ARL6: variants seen among roughly 807,000 people sequenced by gnomAD.
The protein encoded by ARL6 is ARF like GTPase 6.
A neutral mutation model predicts 27.1 loss-of-function variants in ARL6; 18 were observed. The observed-to-expected ratio is 0.66, with a 90% CI of 0.46 to 0.98. The LOEUF is 0.98. Ranked by LOEUF, ARL6 falls within the 50% of genes least tolerant of loss-of-function variation. The probability of loss-of-function intolerance (pLI) is 0.00; values close to 1 mark genes in which losing one functional copy is unlikely to be tolerated. For missense variants in ARL6, 187 were observed against 214.9 expected (o/e 0.87, Z 0.81); for synonymous variants, 65 against 72.3 (o/e 0.90, Z 0.51).
intron 3 of ARL6, 70 bp from the exon 4 acceptor site, chr3:97,780,545 A>T: frequency 7.7e-7 from 1 of 1,298,234 alleles, no homozygotes; most frequent in South Asian, 1.2e-5. Flanking sequence ...TTGATTGTAA[A>T]TAATTTAAAA....
chr3:97,777,142 A>AT (rs1474260697), intron 2 of ARL6, among the ~76,000 whole-genome samples: 1 of 152,148 alleles, frequency 6.6e-6, no homozygotes, highest in Non-Finnish European at 1.5e-5. Flanking sequence ...TTGATGGATG[A>AT]TTTTTTAATA....
chr3:97,793,149 C>T (rs1487031851), intron 7 of ARL6, among the ~76,000 whole-genome samples: 3 of 152,184 alleles, frequency 2.0e-5, no homozygotes, highest in African/African-American at 4.8e-5. Context: ...GTTAACTGGA[C>T]AGACTATTGT....
chr3:97,787,224 A>G (rs1327601857), intron 5 of ARL6, among the ~76,000 whole-genome samples: 3 of 152,218 alleles, frequency 2.0e-5, no homozygotes, highest in Admixed American at 2.0e-4. Context: ...CGGTTAAAAT[A>G]ATGAAGAAGC....
At chr3:97,780,300 C>A in intron 3 of ARL6, 80 bp downstream of exon 3, 2 of 1,105,138 alleles carry the variant, frequency 1.8e-6, no homozygotes, top group East Asian at 2.4e-5. Context: ...TCTTCCTACC[C>A]TTAGATAAAG....
chr3:97,780,076 AACTGAAAATCTGGAT>A (rs2037114538), intron 2 of ARL6, 68 bp from the exon 3 acceptor site: 1 of 1,124,002 alleles, frequency 8.9e-7, no homozygotes, highest in Non-Finnish European at 1.4e-6. Context: ...AGATTTTAGA[AACTGAAAATCTGGAT>A]ACTTTAACTT....
intron 2 of ARL6, among the ~76,000 whole-genome samples, chr3:97,772,748 A>C (rs190446259): frequency 5.0e-4 from 76 of 151,104 alleles, no homozygotes; most frequent in African/African-American, 1.7e-3. Context: ...CAGCCTCCCA[A>C]GTAGCTGGGA....
chr3:97,774,727 T>C (rs548772555), intron 2 of ARL6, among the ~76,000 whole-genome samples: 20 of 152,256 alleles, frequency 1.3e-4, no homozygotes, highest in African/African-American at 4.6e-4. Flanking sequence ...CAGCAACTGA[T>C]ATAAGAGCTT....
At position 97,800,352 on chromosome 3, in the gene ARL6, G is replaced by A. The variant is rs2038200121; in HGVS notation, c.*2303G>A. On this transcript the variant is annotated 3_prime_UTR_variant, in exon 8 of 8. Coordinates refer to ENST00000463745, the MANE Select transcript of ARL6 (RefSeq NM_001278293.3). ...ATTTAGCATATTATACAATTAAAAT[G>A]TATTTTATTAAACCTGAAGCAAGTT... The A allele has an allele frequency of 6.6e-6, 1 of 152,124 alleles. No individual in the cohort carries two copies. The highest frequency in any genetic ancestry group is 1.9e-4 in the East Asian group (1 of 5,202). 9.4% of individuals were successfully genotyped at this position (152,124 alleles called of 1,614,324 possible).
chr3:97,799,166 A>G lies in ARL6; in HGVS notation c.*1117A>G, dbSNP rs2038138832. 6.6e-6 allele frequency: 1 copy of G among 152,046 alleles called. No individual in the cohort carries two copies. The highest frequency in any genetic ancestry group is 1.5e-5 in the Non-Finnish European group (1 of 67,908). The allele number at this position is 152,046 out of a possible 1,614,324, so 9.4% of individuals were successfully genotyped here. A position where few individuals can be genotyped will look rare whatever the true frequency, so the allele number is the denominator to read the frequency against. ...ACTGCATATAAAGAAAAACTGTAAT[A>G]TACAATATATACCATCTCAAGTATG... On this transcript the variant is annotated 3_prime_UTR_variant, in exon 8 of 8. Transcript: ENST00000463745.
intron 2 of ARL6, among the ~76,000 whole-genome samples, chr3:97,771,901 G>T (rs1030403153): frequency 6.6e-6 from 1 of 152,064 alleles, no homozygotes; most frequent in Admixed American, 6.5e-5. Flanking sequence ...CATGGTGAAT[G>T]AACTTTTTAA....
At chr3:97,789,615 A>G (rs1393933312) in intron 6 of ARL6, among the ~76,000 whole-genome samples, 1 of 152,150 alleles carries the variant, frequency 6.6e-6, no homozygotes, top group Non-Finnish European at 1.5e-5. Flanking sequence ...GATTTTCTGG[A>G]TAACTTATAT....
chr3:97,794,177 TTGTGTGTG>T lies in ARL6; in HGVS notation c.535+2385_535+2392del, dbSNP rs370867493. On this transcript the variant is annotated intron_variant, in intron 7 of 7. Transcript: ENST00000463745. ...GTGCTTTGGTTATATTTTCTTTCTT[TTGTGTGTG>T]TGTGTGTGTGTGTGTGTGTGTGTGT... Among the ~76,000 whole-genome samples the T allele has an allele frequency of 5.0e-4, 69 of 137,476 alleles. No homozygotes were observed. The South Asian group carries it at 8.1e-3, about 16-fold the overall frequency. The allele number at this position is 137,476 out of a possible 152,430, so 90.2% of individuals were successfully genotyped here.
At chr3:97,780,504 T>A in intron 3 of ARL6, 111 bp from the exon 4 acceptor site, 1 of 853,304 alleles carries the variant, frequency 1.2e-6, no homozygotes, top group Non-Finnish European at 1.9e-6. Flanking sequence ...AATTGGCACA[T>A]GTTGAATATT....
intron 2 of ARL6, among the ~76,000 whole-genome samples, chr3:97,772,374 T>C (rs781085045): frequency 1.3e-5 from 2 of 152,028 alleles, no homozygotes; most frequent in Non-Finnish European, 2.9e-5. Context: ...TATTTCTCAT[T>C]CTTAAGTTCT....
chr3:97,770,939 G>T (rs1047433381), intron 2 of ARL6, among the ~76,000 whole-genome samples: 2 of 152,076 alleles, frequency 1.3e-5, no homozygotes, highest in African/African-American at 4.8e-5. Context: ...AGTATAGTTT[G>T]AAGTCAGATA....
At chr3:97,782,301 A>G (rs557421399) in intron 4 of ARL6, among the ~76,000 whole-genome samples, 49 of 152,094 alleles carry the variant, frequency 3.2e-4, no homozygotes, top group Non-Finnish European at 6.0e-4. Flanking sequence ...ACAAAAATAT[A>G]TATAGAGAGA....
chr3:97,780,766 G>C (rs1011194093), intron 4 of ARL6, 83 bp downstream of exon 4: 1 of 1,064,688 alleles, frequency 9.4e-7, no homozygotes, highest in Admixed American at 2.1e-5. Context: ...ATATGGCTAG[G>C]TTGTTTGGCT....
At chr3:97,771,073 A>G (rs1198673466) in intron 2 of ARL6, among the ~76,000 whole-genome samples, 9 of 152,128 alleles carry the variant, frequency 5.9e-5, no homozygotes, top group African/African-American at 1.9e-4. Context: ...GTATTTTGAT[A>G]GGGATTGCAT....
chr3:97,771,626 G>T (rs2036639660), intron 2 of ARL6, among the ~76,000 whole-genome samples: 1 of 148,536 alleles, frequency 6.7e-6, no homozygotes, highest in Admixed American at 6.6e-5. Flanking sequence ...TCTCCATTCA[G>T]TATATTAGCT....
Sources: allele counts gnomAD v4.1 joint callset (sites outside exome capture counted in the v4.1 genomes callset), GRCh38; gene constraint gnomAD v4.1.1; transcripts MANE v1.5; gene names NCBI Gene and HGNC (gene_info 2026-07-23, HGNC 2026-07-21).